The following IL6ST variants were observed in gnomAD, a reference collection of about 807,000 sequenced individuals.
IL6ST encodes interleukin 6 cytokine family signal transducer, also known as interleukin-6 receptor subunit beta.
IL6ST carries 24 observed loss-of-function variants against 91.3 expected under a neutral mutation model. The ratio of observed to expected loss-of-function variants is 0.26; its 90% CI spans 0.19 to 0.37. The LOEUF is 0.37. Among genes scored for constraint, IL6ST ranks in the 10% least tolerant of loss-of-function variants. The pLI is 1.00. For missense variants in IL6ST, 914 were observed against 1,078.5 expected (o/e 0.85, Z 2.14); for synonymous variants, 351 against 373.6 (o/e 0.94, Z 0.70).
intron 8 of IL6ST, 68 bp from the exon 9 acceptor site, chr5:55,957,359 T>C: frequency 1.2e-6 from 1 of 802,768 alleles, no homozygotes; most frequent in Non-Finnish European, 2.0e-6. Flanking sequence ...CTGCAAATTA[T>C]TCTTTTACTT....
intron 1 of IL6ST, among the ~76,000 whole-genome samples, chr5:55,989,880 C>T (rs1468329757): frequency 1.3e-5 from 2 of 151,768 alleles, no homozygotes; most frequent in Non-Finnish European, 2.9e-5. Context: ...TTACCAATGA[C>T]AAAATCCCAG....
intron 14 of IL6ST, among the ~76,000 whole-genome samples, chr5:55,950,523 G>T (rs10043249): frequency 0.23 from 27,161 of 118,352 alleles, 3,518 homozygotes; most frequent in Admixed American, 0.35. Context: ...GTGACAGAGC[G>T]AGACTCTGTC....
chr5:55,955,719 T>A (rs1383347531), intron 10 of IL6ST, among the ~76,000 whole-genome samples: 1 of 152,214 alleles, frequency 6.6e-6, no homozygotes, highest in East Asian at 1.9e-4. Context: ...GCTGACTGAT[T>A]CCTAAAAATG....
At chr5:55,962,907 G>C (rs1040681300) in intron 7 of IL6ST, among the ~76,000 whole-genome samples, 1 of 151,982 alleles carries the variant, frequency 6.6e-6, no homozygotes, top group African/African-American at 2.4e-5. Context: ...TTAAGGCCAG[G>C]AGTTTGAGAC....
intron 3 of IL6ST, among the ~76,000 whole-genome samples, chr5:55,973,298 T>A (rs1156271710): frequency 1.8e-4 from 27 of 152,182 alleles, no homozygotes; most frequent in Admixed American, 1.8e-3. Flanking sequence ...CATACTCTTT[T>A]CATGAAGAGG....
intron 15 of IL6ST, among the ~76,000 whole-genome samples, chr5:55,945,295 C>G (rs939723706): frequency 1.3e-5 from 2 of 151,906 alleles, no homozygotes. Flanking sequence ...GGCATAAGAA[C>G]GGACATATAT....
intron 1 of IL6ST, among the ~76,000 whole-genome samples, chr5:55,990,657 G>T (rs1484774678): frequency 6.6e-6 from 1 of 152,008 alleles, no homozygotes; most frequent in Non-Finnish European, 1.5e-5. Flanking sequence ...TAGATATTCT[G>T]TCTCTGAGTC....
intron 6 of IL6ST, among the ~76,000 whole-genome samples, 153 bp from the exon 7 acceptor site, chr5:55,963,659 C>T (rs866631527): frequency 6.6e-6 from 1 of 151,746 alleles, no homozygotes; most frequent in African/African-American, 2.4e-5. Flanking sequence ...TGCTATATAC[C>T]TTATAATGGA....
rs71602925 is a variant in IL6ST, at chr5:55,947,592, TAAAAAA to T, written c.1841-9_1841-4del. 472 of 391,552 alleles carry T rather than the reference TAAAAAA, an allele frequency of 1.2e-3. No individual in the cohort carries two copies. The highest frequency in any genetic ancestry group is 2.9e-3 in the South Asian group (80 of 27,566). 24.3% of individuals were successfully genotyped at this position (391,552 alleles called of 1,614,324 possible). A position where few individuals can be genotyped will look rare whatever the true frequency, so the allele number is the denominator to read the frequency against. ...TATGGCTTCAATTTCTCCTTGAGCT[TAAAAAA>T]AAAAAAAAAAAAAAAAAAAGAGGTG... On this transcript the variant is annotated splice_polypyrimidine_tract_variant and splice_region_variant and intron_variant, in intron 14 of 16. Coordinates refer to ENST00000381298, the MANE Select transcript of IL6ST (RefSeq NM_002184.4).
At chr5:55,955,832 C>T (rs1259169009) in intron 10 of IL6ST, 193 bp downstream of exon 10, 3 of 344,278 alleles carry the variant, frequency 8.7e-6, no homozygotes, top group Admixed American at 8.6e-5. Context: ...GCCTGAGCAA[C>T]CTGGCGAGAC....
Position 55,956,220 on chromosome 5 carries a change from C to T in IL6ST, c.1072G>A (p.Glu358Lys). ...QLVWKTLPPF[E>K]ANGKILDYEV... Reference sequence around the variant, plus strand: ...TAATCCAAGATTTTTCCATTGGCTTCAAAAGGAGGCAATGTCTGTAATAAA... The same window carrying T: ...TAATCCAAGATTTTTCCATTGGCTTTAAAAGGAGGCAATGTCTGTAATAAA... Residue 358 changes from glutamate (E) to lysine (K), a missense_variant, in exon 10 of 17, where the codon GAA becomes AAA. By Grantham distance (56) the Glu-to-Lys change is moderately conservative (BLOSUM62 1). Coordinates refer to ENST00000381298, the MANE Select transcript of IL6ST (RefSeq NM_002184.4). The T allele has an allele frequency of 6.3e-7, 1 of 1,581,890 alleles. No individual in the cohort carries two copies. The highest frequency in any genetic ancestry group is 8.7e-7 in the Non-Finnish European group (1 of 1,151,142).
In IL6ST at chr5:55,954,870, C is replaced by A. The variant is rs773874336; in HGVS notation, c.1390G>T (p.Ala464Ser). ...TGTTGCCAGTCTGTGATACAGGGTGCTTTATCTGATAACACACACCACTCA... is the reference window on the plus strand; with the variant it reads ...TGTTGCCAGTCTGTGATACAGGGTGATTTATCTGATAACACACACCACTCA... ...ILEWCVLSDK[A>S]PCITDWQQED... Residue 464 changes from alanine (A) to serine (S), a missense_variant, in exon 11 of 17, where the codon GCA becomes TCA. Coordinates refer to ENST00000381298, the MANE Select transcript of IL6ST (RefSeq NM_002184.4). The A allele has an allele frequency of 1.1e-5, 18 of 1,613,508 alleles. No individual in the cohort carries two copies. Among genetic ancestry groups the A allele is most frequent in the Non-Finnish European group, 1.5e-5 (18 of 1,179,610 alleles).
chr5:55,950,798 T>TA (rs879917336), intron 14 of IL6ST, among the ~76,000 whole-genome samples: 2 of 150,968 alleles, frequency 1.3e-5, no homozygotes, highest in African/African-American at 2.4e-5. Flanking sequence ...GCCATCTCTA[T>TA]AAAAAAAATT....
chr5:55,954,919 C>T lies in IL6ST; in HGVS notation c.1341G>A (p.Arg447=). The part of the protein sequence containing the change: ...NMLWVEWTTP[R]ESVKKYILEW... ...CAAGTATATATTTCTTTACAGATTCCCTTGGAGTAGTCCATTCCACCCAAA... is the reference window on the plus strand; with the variant it reads ...CAAGTATATATTTCTTTACAGATTCTCTTGGAGTAGTCCATTCCACCCAAA... Residue 447 remains arginine (R), a synonymous_variant, in exon 11 of 17, where the codon AGG becomes AGA. Transcript: ENST00000381298. 1 of 1,612,902 alleles carries T rather than the reference C, an allele frequency of 6.2e-7. No individual in the cohort carries two copies.
At chr5:55,975,736 G>A (rs1753250665) in intron 3 of IL6ST, among the ~76,000 whole-genome samples, 1 of 152,066 alleles carries the variant, frequency 6.6e-6, no homozygotes, top group South Asian at 2.1e-4. Flanking sequence ...CATGCACAGG[G>A]TTAAAAACCA....
rs114903790 is a variant in IL6ST at position 55,948,624 on chromosome 5, G to T, written c.1841-1035C>A. On this transcript the variant is annotated intron_variant, in intron 14 of 16. Transcript: ENST00000381298. ...TGTATATATATATTGATATGGGTAT[G>T]TATGTGTGTATATATATATAAAATG... is the stretch of plus-strand genomic sequence containing the variant. Among the ~76,000 whole-genome samples the T allele has an allele frequency of 7.2e-3, 1,099 of 152,062 alleles. 12 individuals carry two copies. Among genetic ancestry groups the T allele is most frequent in the African/African-American group, 0.025 (1,057 of 41,478 alleles).
Position 55,941,156 on chromosome 5 carries a change from C to A in IL6ST, c.2683G>T (p.Ala895Ser). 6.2e-7 allele frequency: 1 copy of A among 1,614,054 alleles called. No homozygotes were observed. Among genetic ancestry groups the A allele is most frequent in the Non-Finnish European group, 8.5e-7 (1 of 1,179,926 alleles). The change falls in exon 17 of 17, where the codon GCT becomes TCT. Residue 895 changes from alanine to serine, a missense_variant. Ala to Ser is a moderately conservative substitution (Grantham distance 99). Coordinates refer to ENST00000381298, the MANE Select transcript of IL6ST (RefSeq NM_002184.4). The stretch of plus-strand genomic sequence containing the variant: ...TTAGGCATGCCTTCATCAGTCGCAG[C>A]CTCCATGCCAACTGTTTCAAATCTT... ...VERFETVGME[A>S]ATDEGMPKSY...
chr5:55,988,722 C>G (rs1446508127), intron 1 of IL6ST, among the ~76,000 whole-genome samples: 2 of 149,536 alleles, frequency 1.3e-5, no homozygotes, highest in African/African-American at 2.5e-5. Flanking sequence ...GCCGGGATGT[C>G]GCCACTGCAC....
At chr5:55,963,928 T>G (rs949974642) in intron 6 of IL6ST, among the ~76,000 whole-genome samples, 1 of 152,182 alleles carries the variant, frequency 6.6e-6, no homozygotes, top group Non-Finnish European at 1.5e-5. Context: ...ATTGATAAAA[T>G]GACTTCATAA....
Sources: allele counts gnomAD v4.1 joint callset (sites outside exome capture counted in the v4.1 genomes callset), GRCh38; gene constraint gnomAD v4.1.1; transcripts MANE v1.5; gene names NCBI Gene and HGNC (gene_info 2026-07-23, HGNC 2026-07-21).